GRXCR1: variants seen among roughly 807,000 people sequenced by gnomAD.
GRXCR1 encodes the protein glutaredoxin domain-containing cysteine-rich protein 1.
GRXCR1 carries 27 observed loss-of-function variants against 27.3 expected under a neutral mutation model. That is an observed-to-expected ratio of 0.99 (90% CI 0.73 to 1.37). The LOEUF is 1.37. GRXCR1 is among the 40% of genes most tolerant of loss of function. The pLI is 0.00. For synonymous variants in GRXCR1, 122 were observed against 131.1 expected, an observed-to-expected ratio of 0.93 and a Z score of 0.47; for missense variants, 379 against 354.4, an observed-to-expected ratio of 1.07 and a Z score of -0.56.
At chr4:42,926,871 T>C (rs1459502672) in intron 1 of GRXCR1, among the ~76,000 whole-genome samples, 2 of 152,080 alleles carry the variant, frequency 1.3e-5, no homozygotes, top group East Asian at 1.9e-4. Flanking sequence ...GAGTTACTTA[T>C]TCTGCATTGA....
intron 1 of GRXCR1, among the ~76,000 whole-genome samples, chr4:42,913,101 T>G (rs1219605883): frequency 1.3e-5 from 2 of 152,182 alleles, no homozygotes; most frequent in Admixed American, 6.6e-5. Flanking sequence ...GTTTTCTTTA[T>G]AAATTACCCA....
chr4:43,025,427 C>T (rs1713223944), intron 3 of GRXCR1, among the ~76,000 whole-genome samples: 1 of 152,176 alleles, frequency 6.6e-6, no homozygotes. Context: ...AAAGGTCTCA[C>T]TCACTGAGTA....
intron 1 of GRXCR1, among the ~76,000 whole-genome samples, chr4:42,909,777 C>T (rs529650765): frequency 9.4e-4 from 143 of 152,210 alleles, no homozygotes; most frequent in African/African-American, 3.3e-3. Context: ...AAAAACAAAC[C>T]ATGTTTCTCT....
chr4:42,898,768 A>G (rs1340970648), intron 1 of GRXCR1, among the ~76,000 whole-genome samples: 1 of 152,088 alleles, frequency 6.6e-6, no homozygotes, highest in Non-Finnish European at 1.5e-5. Context: ...ATTAATTTAT[A>G]GGATTTAAAA....
At position 42,934,866 on chromosome 4, in the gene GRXCR1, A is replaced by G. The variant is rs114909344; in HGVS notation, c.385-28026A>G. Among the ~76,000 whole-genome samples the G allele has an allele frequency of 3.8e-3, 576 of 152,072 alleles. 2 individuals are homozygous for G. Among genetic ancestry groups the G allele is most frequent in the Non-Finnish European group, 3.6e-3 (245 of 67,930 alleles). On this transcript the variant is annotated intron_variant, in intron 1 of 3. Coordinates refer to ENST00000399770, the MANE Select transcript of GRXCR1 (RefSeq NM_001080476.3). ...AAGAAAGCTTAGCAGCCAGGACAGA[A>G]ATTATTCTTATGGTCAGTTACACTT...
intron 1 of GRXCR1, among the ~76,000 whole-genome samples, chr4:42,925,857 C>T (rs1268756946): frequency 1.3e-5 from 2 of 151,962 alleles, no homozygotes; most frequent in Non-Finnish European, 2.9e-5. Context: ...ATAGATCAGA[C>T]ATAAGGCCGA....
At chr4:43,016,331 T>C (rs2109805223) in intron 2 of GRXCR1, among the ~76,000 whole-genome samples, 1 of 152,298 alleles carries the variant, frequency 6.6e-6, no homozygotes, top group East Asian at 1.9e-4. Flanking sequence ...TTGGTAGCAT[T>C]ATTGTCCCTA....
At chr4:42,969,688 C>G (rs1748337732) in intron 2 of GRXCR1, among the ~76,000 whole-genome samples, 1 of 152,026 alleles carries the variant, frequency 6.6e-6, no homozygotes, top group Admixed American at 6.6e-5. Context: ...CCCATCAGGT[C>G]CCTCCCTGGC....
At chr4:42,948,180 G>A (rs958919370) in intron 1 of GRXCR1, among the ~76,000 whole-genome samples, 2 of 150,782 alleles carry the variant, frequency 1.3e-5, no homozygotes, top group African/African-American at 2.4e-5. Context: ...CATGTAATGC[G>A]AAGTACCTCA....
At chr4:42,904,909 C>A (rs1405071031) in intron 1 of GRXCR1, among the ~76,000 whole-genome samples, 2 of 152,100 alleles carry the variant, frequency 1.3e-5, no homozygotes, top group Non-Finnish European at 2.9e-5. Flanking sequence ...GACATCTGAC[C>A]CAATTCTATA....
Position 42,962,987 on chromosome 4 carries a change from A to G in GRXCR1, c.480A>G (p.Arg160=). The G allele has an allele frequency of 1.2e-6, 2 of 1,612,946 alleles. No individual in the cohort carries two copies. Among genetic ancestry groups the G allele is most frequent in the Non-Finnish European group, 1.7e-6 (2 of 1,179,184 alleles). ...RTTFERCELV[R]KIFQNHRVKF... is the part of the protein sequence containing the mutation. ...CCTTTGAAAGATGTGAACTGGTTAG[A>G]AAGATTTTCCAAAACCATCGCGTAA... The change falls in exon 2 of 4, where the codon AGA becomes AGG. Residue 160 remains arginine (R), a synonymous_variant. Transcript: ENST00000399770.
chr4:42,973,613 G>T (rs1318473344), intron 2 of GRXCR1, among the ~76,000 whole-genome samples: 4 of 151,714 alleles, frequency 2.6e-5, no homozygotes, highest in Admixed American at 6.6e-5. Context: ...ACTTTCTCTT[G>T]CCTCATATCT....
intron 1 of GRXCR1, among the ~76,000 whole-genome samples, chr4:42,956,452 A>AT (rs541047034): frequency 0.02 from 2,872 of 143,290 alleles, 58 homozygotes; most frequent in African/African-American, 0.054. Context: ...GAAGAGGAGG[A>AT]TTTTTTTTTT....
chr4:42,959,453 T>A (rs1310481752), intron 1 of GRXCR1, among the ~76,000 whole-genome samples: 2 of 151,780 alleles, frequency 1.3e-5, no homozygotes, highest in African/African-American at 2.4e-5. Context: ...AAGGGGGATA[T>A]AATAGGGAGA....
Position 43,010,403 on chromosome 4 carries a change from C to CAA in GRXCR1, c.628-9937_628-9936dup, listed in dbSNP as rs57753561. On this transcript the variant is annotated intron_variant, in intron 2 of 3. Coordinates refer to ENST00000399770, the MANE Select transcript of GRXCR1 (RefSeq NM_001080476.3). ...CGGTAACAAGAGAGAAACTCCATCT[C>CAA]AAAAAAAAAAAAAAAGAGTGTGGCC... Among the ~76,000 whole-genome samples, 931 of 111,272 alleles carry CAA rather than the reference C, an allele frequency of 8.4e-3. 7 individuals are homozygous for CAA. Among genetic ancestry groups the CAA allele is most frequent in the African/African-American group, 0.028 (887 of 32,212 alleles). The allele number at this position is 111,272 out of a possible 152,430, so 73.0% of individuals were successfully genotyped here.
At chr4:43,027,156 G>A (rs914704595) in intron 3 of GRXCR1, among the ~76,000 whole-genome samples, 1 of 152,132 alleles carries the variant, frequency 6.6e-6, no homozygotes, top group South Asian at 2.1e-4. Context: ...TAAAATAATG[G>A]CTAATAATAA....
intron 1 of GRXCR1, among the ~76,000 whole-genome samples, chr4:42,911,474 A>G (rs983538238): frequency 2.0e-5 from 3 of 152,172 alleles, no homozygotes; most frequent in Non-Finnish European, 4.4e-5. Context: ...ACACTGCAAT[A>G]TGAAATATTG....
chr4:43,010,006 G>A (rs1351234188), intron 2 of GRXCR1, among the ~76,000 whole-genome samples: 2 of 152,056 alleles, frequency 1.3e-5, no homozygotes, highest in African/African-American at 2.4e-5. Context: ...TCTGCTTCAG[G>A]AGTGACTCTT....
intron 2 of GRXCR1, among the ~76,000 whole-genome samples, chr4:42,997,162 C>G (rs1170187186): frequency 6.6e-6 from 1 of 152,012 alleles, no homozygotes; most frequent in Non-Finnish European, 1.5e-5. Context: ...GGTTATTACC[C>G]ATAGGTAAGA....
Sources: allele counts gnomAD v4.1 joint callset (sites outside exome capture counted in the v4.1 genomes callset), GRCh38; gene constraint gnomAD v4.1.1; transcripts MANE v1.5; gene names NCBI Gene and HGNC (gene_info 2026-07-23, HGNC 2026-07-21).